REDIC1: variants seen among roughly 807,000 people sequenced by gnomAD.
The protein encoded by REDIC1 is HEI10 Interacting Protein 1.
chr12:39,762,853 C>CTT, the REDIC1 span, among the ~76,000 whole-genome samples: 2 of 152,006 alleles, frequency 1.3e-5, no homozygotes, highest in Admixed American at 1.3e-4. Flanking sequence ...AAGCAACACA[C>CTT]TTTTAACTGT....
chr12:39,832,661 C>A, the REDIC1 span, among the ~76,000 whole-genome samples: 1 of 152,058 alleles, frequency 6.6e-6, no homozygotes, highest in African/African-American at 2.4e-5. Flanking sequence ...CCTCGTGAAG[C>A]TGATTTGGGT....
the REDIC1 span, among the ~76,000 whole-genome samples, chr12:39,728,702 A>T: frequency 6.7e-6 from 1 of 148,514 alleles, no homozygotes; most frequent in Non-Finnish European, 1.5e-5. Context: ...TATTGTTTGG[A>T]GTAGTTTCAG....
At chr12:39,682,914 T>C in the REDIC1 span, 1 of 1,613,236 alleles carries the variant, frequency 6.2e-7, no homozygotes, top group Non-Finnish European at 8.5e-7. Flanking sequence ...TGGGAGATAC[T>C]TGTGTAGTCA....
the REDIC1 span, among the ~76,000 whole-genome samples, chr12:39,886,361 C>T: frequency 6.6e-6 from 1 of 152,048 alleles, no homozygotes; most frequent in Non-Finnish European, 1.5e-5. Flanking sequence ...ACATGCAGCA[C>T]TAAAACATGC....
At chr12:39,712,909 G>A in the REDIC1 span, among the ~76,000 whole-genome samples, 2 of 138,838 alleles carry the variant, frequency 1.4e-5, no homozygotes, top group East Asian at 2.1e-4. Flanking sequence ...GTGTATATAC[G>A]TATATACATA....
At chr12:39,758,620 A>C in the REDIC1 span, 1 of 152,030 alleles carries the variant, frequency 6.6e-6, no homozygotes, top group East Asian at 1.9e-4. Flanking sequence ...GAATTACCAT[A>C]AAAACCAATG....
the REDIC1 span, among the ~76,000 whole-genome samples, chr12:39,679,850 C>A: frequency 6.6e-6 from 1 of 152,206 alleles, no homozygotes; most frequent in East Asian, 1.9e-4. Context: ...TACTTAAAGT[C>A]AACTGATCTT....
the REDIC1 span, among the ~76,000 whole-genome samples, chr12:39,648,954 A>G: frequency 1.3e-5 from 2 of 151,742 alleles, no homozygotes; most frequent in African/African-American, 4.8e-5. Flanking sequence ...AGGCCCAATA[A>G]TTTTTGAATG....
the REDIC1 span, chr12:39,643,672 A>G: frequency 1.2e-6 from 1 of 804,152 alleles, no homozygotes; most frequent in South Asian, 2.0e-5. Context: ...CACAAAATAT[A>G]AAAGTATCAA....
At chr12:39,805,532 G>C in the REDIC1 span, among the ~76,000 whole-genome samples, 1 of 150,994 alleles carries the variant, frequency 6.6e-6, no homozygotes, top group South Asian at 2.1e-4. Flanking sequence ...TTTTTCCCCA[G>C]AGACTTTATT....
chr12:39,796,855 G>A, the REDIC1 span, among the ~76,000 whole-genome samples: 1 of 152,022 alleles, frequency 6.6e-6, no homozygotes, highest in Non-Finnish European at 1.5e-5. Flanking sequence ...GGACATTTAT[G>A]CACCTTTGAC....
At chr12:39,736,479 A>G in the REDIC1 span, among the ~76,000 whole-genome samples, 10 of 152,216 alleles carry the variant, frequency 6.6e-5, no homozygotes, top group Admixed American at 6.5e-4. Context: ...AGTGGAGTAT[A>G]TTTTGCTTGT....
chr12:39,747,983 G>T, the REDIC1 span, among the ~76,000 whole-genome samples: 4 of 152,208 alleles, frequency 2.6e-5, no homozygotes, highest in Non-Finnish European at 2.9e-5. Context: ...TTGCCAAATT[G>T]TAAAGACCAT....
chr12:39,907,973 T>C, the REDIC1 span: 2 of 151,480 alleles, frequency 1.3e-5, no homozygotes, highest in African/African-American at 2.4e-5. Flanking sequence ...ATTGCAGCTA[T>C]GGTGGGAGCC....
At chr12:39,903,018 A>G in the REDIC1 span, among the ~76,000 whole-genome samples, 2 of 152,148 alleles carry the variant, frequency 1.3e-5, no homozygotes, top group Non-Finnish European at 2.9e-5. Flanking sequence ...AAGTTAAATT[A>G]CTGTGCTCAG....
chr12:39,816,485 C>G, the REDIC1 span, among the ~76,000 whole-genome samples: 3 of 150,376 alleles, frequency 2.0e-5, no homozygotes, highest in East Asian at 5.9e-4. Context: ...ATGTAAATGA[C>G]GAGTTAATGG....
the REDIC1 span, among the ~76,000 whole-genome samples, chr12:39,875,387 T>A: frequency 6.6e-6 from 1 of 152,224 alleles, no homozygotes; most frequent in Non-Finnish European, 1.5e-5. Context: ...CTTGTGACTA[T>A]ATTGGCTCCA....
At chr12:39,640,946 T>TA in the REDIC1 span, 1 of 1,606,630 alleles carries the variant, frequency 6.2e-7, no homozygotes, top group East Asian at 2.2e-5. Context: ...ATTCTGCTGC[T>TA]TTTTTCAGGT....
chr12:39,646,069 C>G, the REDIC1 span, among the ~76,000 whole-genome samples: 1 of 151,480 alleles, frequency 6.6e-6, no homozygotes, highest in East Asian at 1.9e-4. Flanking sequence ...GTCTGGAGAT[C>G]ATAGAAATCT....
Sources: gnomAD v4.1 joint callset for allele counts (sites outside exome capture counted in the v4.1 genomes callset) on GRCh38, gnomAD v4.1.1 for gene constraint, MANE v1.5 for transcripts, NCBI Gene and HGNC (gene_info 2026-07-23, HGNC 2026-07-21) for gene names.